The following PUDP variants were observed in gnomAD, a reference collection of about 807,000 sequenced individuals.
PUDP encodes the protein pseudouridine-5'-phosphatase.
Under a neutral mutation model 9.4 loss-of-function variants are expected in PUDP, and 8 were observed. That is an observed-to-expected ratio of 0.85 (90% confidence interval 0.50 to 1.53). The LOEUF (loss-of-function observed/expected upper bound fraction) is 1.53, where lower values mean the gene tolerates loss of function less well. Among genes scored for constraint, PUDP ranks in the 40% most tolerant of loss-of-function variants. PUDP has a pLI of 0.00. For synonymous variants in PUDP, 99 were observed against 80.7 expected, an observed-to-expected ratio of 1.23 and a Z score of -1.22; for missense variants, 188 against 189.7, an observed-to-expected ratio of 0.99 and a Z score of 0.05.
intron 3 of PUDP, among the ~76,000 whole-genome samples, chrX:6,878,633 C>T (rs1233779382): frequency 1.8e-5 from 2 of 112,397 alleles, no homozygotes; most frequent in Non-Finnish European, 3.8e-5. Context: ...GCTGGGATTA[C>T]AGGCGTGAGT....
intron 3 of PUDP, among the ~76,000 whole-genome samples, chrX:6,880,409 A>G (rs1230652852): frequency 1.8e-5 from 2 of 111,972 alleles, no homozygotes; most frequent in Non-Finnish European, 3.8e-5. Flanking sequence ...CAATTTCAAC[A>G]GGTTGCTGTG....
chrX:6,997,200 T>C (rs999353388), intron 1 of PUDP, among the ~76,000 whole-genome samples: 1 of 112,157 alleles, frequency 8.9e-6, no homozygotes, highest in Non-Finnish European at 1.9e-5. Flanking sequence ...TAGCTTTGGC[T>C]AGCCATATTA....
chrX:6,844,905 A>G (rs1926722265), intron 3 of PUDP, among the ~76,000 whole-genome samples: 1 of 112,259 alleles, frequency 8.9e-6, no homozygotes, highest in Non-Finnish European at 1.9e-5. Context: ...GAGAACGAGA[A>G]GCTGGGATGT....
intron 1 of PUDP, among the ~76,000 whole-genome samples, chrX:7,013,808 G>A (rs1235552280): frequency 8.9e-6 from 1 of 111,852 alleles, no homozygotes; most frequent in African/African-American, 3.3e-5. Flanking sequence ...GGTTTACAAT[G>A]CTCTTTTAGT....
intron 3 of PUDP, among the ~76,000 whole-genome samples, chrX:6,906,419 C>T (rs1036737329): frequency 8.9e-6 from 1 of 112,193 alleles, no homozygotes; most frequent in Admixed American, 9.5e-5. Context: ...TCTGACCTCG[C>T]CCCCCAACCG....
intron 3 of PUDP, among the ~76,000 whole-genome samples, chrX:6,846,786 G>C (rs1229840760): frequency 1.8e-5 from 2 of 111,568 alleles, no homozygotes; most frequent in Non-Finnish European, 3.8e-5. Flanking sequence ...CCTTACAATA[G>C]CCATGAGGGA....
chrX:6,761,763 G>A (rs1384301345), intron 3 of PUDP, among the ~76,000 whole-genome samples: 1 of 112,191 alleles, frequency 8.9e-6, no homozygotes, highest in Non-Finnish European at 1.9e-5. Context: ...TGTGGTGACG[G>A]TTGGGCATCT....
intron 1 of PUDP, among the ~76,000 whole-genome samples, chrX:6,714,993 A>ATGTGTGTG (rs775165133): frequency 4.1e-4 from 43 of 104,920 alleles, no homozygotes; most frequent in African/African-American, 1.2e-3. Flanking sequence ...ATATATATAT[A>ATGTGTGTG]TGTGTGTGTG....
rs1454967135 is a variant in PUDP, at chrX:7,083,950, A to C, written c.281-6501T>G. On this transcript the variant is annotated intron_variant, in intron 2 of 3. Coordinates refer to ENST00000381077, the MANE Select transcript of PUDP (RefSeq NM_012080.5). ...AAAAGAAATACGTCGTGATTTTTAAAACATTGACAATATTCAAATATACAC... is the reference window on the plus strand; with the variant it reads ...AAAAGAAATACGTCGTGATTTTTAACACATTGACAATATTCAAATATACAC... Among the ~76,000 whole-genome samples the C allele has an allele frequency of 9.8e-5, 11 of 111,861 alleles. No homozygotes were observed. In the Admixed American group the frequency reaches 1.0e-3, roughly 11 times the overall value.
rs763289172 is a variant in PUDP, at chrX:6,707,748, C to T, written n.129-1282G>A. On this transcript the variant is annotated intron_variant and non_coding_transcript_variant, in intron 1 of 2. Coordinates refer to the PUDP transcript ENST00000438499. ...GCCACTCATCTCCTGCTGTGCAGCC[C>T]GGTTCCTAACAGGCCACAGACCCGT... Among the ~76,000 whole-genome samples the T allele has an allele frequency of 1.2e-4, 13 of 111,995 alleles. No individual in the cohort carries two copies. In the South Asian group the frequency reaches 1.5e-3, roughly 13 times the overall value.
chrX:6,763,974 G>C (rs1469797541), intron 3 of PUDP, among the ~76,000 whole-genome samples: 1 of 111,937 alleles, frequency 8.9e-6, no homozygotes, highest in Non-Finnish European at 1.9e-5. Flanking sequence ...TCTCTTTCTA[G>C]AATTGTTTCA....
intron 3 of PUDP, among the ~76,000 whole-genome samples, chrX:6,850,943 A>G (rs1926818276): frequency 8.9e-6 from 1 of 112,246 alleles, no homozygotes; most frequent in Non-Finnish European, 1.9e-5. Context: ...TAGCCTCCTT[A>G]GGGAAAAAGA....
At chrX:7,065,459 T>C (rs748794684) in intron 3 of PUDP, among the ~76,000 whole-genome samples, 1 of 112,237 alleles carries the variant, frequency 8.9e-6, no homozygotes, top group Admixed American at 9.4e-5. Flanking sequence ...AGCCTTGGGG[T>C]TTATGTCCCC....
intron 3 of PUDP, among the ~76,000 whole-genome samples, chrX:6,879,964 T>G (rs886973575): frequency 9.0e-6 from 1 of 110,808 alleles, no homozygotes; most frequent in African/African-American, 3.3e-5. Context: ...AGATGTTGCA[T>G]TCCCAGCACA....
intron 3 of PUDP, among the ~76,000 whole-genome samples, chrX:6,933,504 C>T (rs1185137058): frequency 9.1e-6 from 1 of 109,529 alleles, no homozygotes; most frequent in African/African-American, 3.3e-5. Flanking sequence ...TCATCAAAGA[C>T]CAAAAGTAGA....
At chrX:7,018,017 C>G (rs903012777) in intron 1 of PUDP, among the ~76,000 whole-genome samples, 3 of 111,706 alleles carry the variant, frequency 2.7e-5, no homozygotes, top group African/African-American at 9.8e-5. Flanking sequence ...TACACTCCCA[C>G]CAGCGCCATG....
chrX:6,944,308 C>A (rs1205512176), intron 3 of PUDP, among the ~76,000 whole-genome samples: 1 of 112,060 alleles, frequency 8.9e-6, no homozygotes, highest in Non-Finnish European at 1.9e-5. Flanking sequence ...GAGGCCTCCC[C>A]AGCCATGCAG....
intron 3 of PUDP, among the ~76,000 whole-genome samples, chrX:6,974,656 T>C (rs1384364480): frequency 3.6e-5 from 4 of 111,832 alleles, no homozygotes; most frequent in Admixed American, 1.9e-4. Context: ...TTCTCCTTCA[T>C]TTCAACCTTG....
chrX:7,076,675 C>T (rs970672044), intron 3 of PUDP, among the ~76,000 whole-genome samples: 5 of 111,945 alleles, frequency 4.5e-5, no homozygotes, highest in Admixed American at 2.8e-4. Context: ...GGGGGTGCCA[C>T]GGCATACAAG....
Sources: allele counts gnomAD v4.1 joint callset (sites outside exome capture counted in the v4.1 genomes callset), GRCh38; gene constraint gnomAD v4.1.1; transcripts MANE v1.5; gene names NCBI Gene and HGNC (gene_info 2026-07-23, HGNC 2026-07-21).